ZNRF1: variants seen among roughly 807,000 people sequenced by gnomAD.
ZNRF1 encodes E3 ubiquitin-protein ligase ZNRF1.
Under a neutral mutation model 18.4 loss-of-function variants are expected in ZNRF1, and 3 were observed. That is an observed-to-expected ratio of 0.16 (90% CI 0.07 to 0.42). ZNRF1 has a LOEUF of 0.42. Among genes scored for constraint, ZNRF1 ranks in the 10% least tolerant of loss-of-function variants. The pLI, the probability that ZNRF1 is intolerant of heterozygous loss-of-function variation, is 0.99. For missense variants in ZNRF1, 310 were observed against 329.8 expected, an observed-to-expected ratio of 0.94 and a Z score of 0.47; for synonymous variants, 157 against 144.2, an observed-to-expected ratio of 1.09 and a Z score of -0.64.
At chr16:75,032,610 A>G (rs1043143433) in intron 1 of ZNRF1, among the ~76,000 whole-genome samples, 3 of 152,160 alleles carry the variant, frequency 2.0e-5, no homozygotes, top group Non-Finnish European at 2.9e-5. Context: ...AAATAATAAG[A>G]CAAGTTACAG....
Position 74,999,888 on chromosome 16 carries a change from A to G in ZNRF1, c.217A>G (p.Thr73Ala), listed in dbSNP as rs779949144. 6 of 1,536,900 alleles carry G rather than the reference A, an allele frequency of 3.9e-6. No homozygotes were observed. Among genetic ancestry groups the G allele is most frequent in the Middle Eastern group, 1.7e-4 (1 of 5,934 alleles). ...CGGGGGGGTGCCCTTTGGCCTCTAC[A>G]CCCCCGCCTCCCGGGGCACCGGCGA... ...TAGGVPFGLYTPASRGTGDSE... is the reference protein window; with the variant it reads ...TAGGVPFGLYAPASRGTGDSE... Residue 73 changes from threonine to alanine, a missense_variant, in exon 1 of 5, where the codon ACC becomes GCC. Physicochemically the swap from Thr to Ala is moderately conservative, Grantham distance 58. Around this residue, in one of 2 missense-constraint regions of ZNRF1, gnomAD observed 293 missense variants for 291.2 expected, o/e 1.01. Coordinates refer to ENST00000335325, the MANE Select transcript of ZNRF1 (RefSeq NM_032268.5).
chr16:75,074,452 G>A (rs2035913800), intron 1 of ZNRF1, among the ~76,000 whole-genome samples: 1 of 152,160 alleles, frequency 6.6e-6, no homozygotes, highest in South Asian at 2.1e-4. Context: ...ATCACATTGT[G>A]AATATTTATG....
At position 75,107,714 on chromosome 16, in the gene ZNRF1, T is replaced by C. The variant is rs767167228; in HGVS notation, c.*33-19T>C. ...CCTCGGCCCGATGGAGCACGACTTA[T>C]TTATTACGGTCCACACAGGGACAGA... On this transcript the variant is annotated intron_variant, in intron 4 of 4. Coordinates refer to ENST00000335325, the MANE Select transcript of ZNRF1 (RefSeq NM_032268.5). 4 of 456,228 alleles carry C rather than the reference T, an allele frequency of 8.8e-6. No homozygotes were observed. Among genetic ancestry groups the C allele is most frequent in the Admixed American group, 2.4e-5 (1 of 42,552 alleles). 28.3% of individuals were successfully genotyped at this position (456,228 alleles called of 1,614,324 possible).
chr16:75,067,638 C>T (rs185257413), intron 1 of ZNRF1, among the ~76,000 whole-genome samples: 1 of 152,232 alleles, frequency 6.6e-6, no homozygotes, highest in East Asian at 1.9e-4. Flanking sequence ...GAATAATGAT[C>T]TCAGAGAAAG....
intron 1 of ZNRF1, among the ~76,000 whole-genome samples, chr16:75,057,904 G>C (rs761798203): frequency 1.2e-4 from 18 of 152,158 alleles, no homozygotes; most frequent in Non-Finnish European, 2.1e-4. Context: ...GCCTCCCAAA[G>C]TGCTGGGGTT....
chr16:75,008,939 C>G (rs1463616570), intron 1 of ZNRF1, among the ~76,000 whole-genome samples: 1 of 152,184 alleles, frequency 6.6e-6, no homozygotes, highest in Non-Finnish European at 1.5e-5. Flanking sequence ...TAAGTACCTA[C>G]CAAGAAATTC....
chr16:75,098,209 C>T (rs755113220), intron 2 of ZNRF1, among the ~76,000 whole-genome samples: 11 of 152,308 alleles, frequency 7.2e-5, no homozygotes, highest in Non-Finnish European at 1.0e-4. Flanking sequence ...CCAGACTGGC[C>T]GCTGCTGGGT....
At chr16:75,003,148 G>A (rs1476051186) in intron 1 of ZNRF1, among the ~76,000 whole-genome samples, 2 of 152,184 alleles carry the variant, frequency 1.3e-5, no homozygotes, top group Non-Finnish European at 2.9e-5. Flanking sequence ...TTTTTGTAGA[G>A]ACGGGATTTC....
chr16:75,066,821 AATG>A (rs1231846964), intron 1 of ZNRF1, among the ~76,000 whole-genome samples: 1 of 152,116 alleles, frequency 6.6e-6, no homozygotes, highest in African/African-American at 2.4e-5. Context: ...AGTATTATAA[AATG>A]ATAATCTTCC....
chr16:75,045,614 G>A (rs2035505235), intron 1 of ZNRF1, among the ~76,000 whole-genome samples: 2 of 152,112 alleles, frequency 1.3e-5, no homozygotes, highest in African/African-American at 4.8e-5. Flanking sequence ...GTGTTGCCCA[G>A]GCTGGCCTCC....
chr16:75,077,131 G>T (rs1029540413), intron 1 of ZNRF1, among the ~76,000 whole-genome samples: 1 of 152,206 alleles, frequency 6.6e-6, no homozygotes, highest in Admixed American at 6.5e-5. Context: ...GGTGGCTCGT[G>T]CCTGTAATCT....
intron 1 of ZNRF1, among the ~76,000 whole-genome samples, chr16:75,002,987 C>G (rs1230012973): frequency 6.6e-6 from 1 of 152,188 alleles, no homozygotes; most frequent in Non-Finnish European, 1.5e-5. Flanking sequence ...GAGTTTCGCT[C>G]TTGTTGCCCA....
chr16:75,016,737 G>T (rs2035077298), intron 1 of ZNRF1, among the ~76,000 whole-genome samples: 1 of 147,398 alleles, frequency 6.8e-6, no homozygotes, highest in East Asian at 2.0e-4. Flanking sequence ...TAGAGATGGG[G>T]TTTCACCATG....
intron 1 of ZNRF1, among the ~76,000 whole-genome samples, chr16:75,009,366 G>A (rs2034965250): frequency 1.3e-5 from 2 of 152,184 alleles, no homozygotes; most frequent in African/African-American, 2.4e-5. Context: ...CTGCATGTAA[G>A]TGGACTCGTA....
At chr16:75,027,598 C>G (rs2035243134) in intron 1 of ZNRF1, among the ~76,000 whole-genome samples, 1 of 152,154 alleles carries the variant, frequency 6.6e-6, no homozygotes. Flanking sequence ...CTGTACTTTT[C>G]TCCTTAAACA....
chr16:75,067,547 A>G (rs2035821234), intron 1 of ZNRF1, among the ~76,000 whole-genome samples: 3 of 152,226 alleles, frequency 2.0e-5, no homozygotes, highest in African/African-American at 7.2e-5. Flanking sequence ...AAGAAGAGAA[A>G]AGGGAACTTT....
At chr16:75,076,961 C>T (rs1194618477) in intron 1 of ZNRF1, among the ~76,000 whole-genome samples, 1 of 152,028 alleles carries the variant, frequency 6.6e-6, no homozygotes, top group Non-Finnish European at 1.5e-5. Context: ...GCTTCTCAAC[C>T]TCCAGAGCCA....
intron 1 of ZNRF1, among the ~76,000 whole-genome samples, chr16:75,015,618 C>G (rs2035055533): frequency 6.6e-6 from 1 of 152,158 alleles, no homozygotes; most frequent in Non-Finnish European, 1.5e-5. Flanking sequence ...GGATCTCACT[C>G]TGTTGCCCAG....
intron 1 of ZNRF1, among the ~76,000 whole-genome samples, chr16:75,078,182 T>G (rs1319692408): frequency 6.6e-6 from 1 of 152,146 alleles, no homozygotes; most frequent in Non-Finnish European, 1.5e-5. Flanking sequence ...GTCACATAAC[T>G]TGTGCGTGGA....
Sources: allele counts gnomAD v4.1 joint callset (sites outside exome capture counted in the v4.1 genomes callset), GRCh38; gene constraint gnomAD v4.1.1; regional missense constraint gnomAD v4.1.1; transcripts MANE v1.5; gene names NCBI Gene and HGNC (gene_info 2026-07-23, HGNC 2026-07-21).